Variants in NCBP2L observed in about 807,000 individuals in gnomAD.
The protein encoded by NCBP2L is nuclear cap-binding protein subunit 2-like.
For missense variants in NCBP2L, 95 were observed against 53.1 expected (o/e 1.79, Z -2.45); for synonymous variants, 39 against 19.2 (o/e 2.04, Z -2.70).
chrX:107,784,874 G>A (rs1357270663), intron 1 of NCBP2L, among the ~76,000 whole-genome samples: 3 of 108,518 alleles, frequency 2.8e-5, no homozygotes, highest in Non-Finnish European at 3.8e-5. Flanking sequence ...AGCTACTCAG[G>A]AGGCTGAGGT....
chrX:107,781,616 G>A (rs1356034540), intron 1 of NCBP2L, among the ~76,000 whole-genome samples: 2 of 93,613 alleles, frequency 2.1e-5, no homozygotes, highest in African/African-American at 8.3e-5. Flanking sequence ...CCCAGCCTGG[G>A]ATCCATCTAT....
chrX:107,789,876 A>T (rs939893848), intron 1 of NCBP2L, among the ~76,000 whole-genome samples: 2 of 108,925 alleles, frequency 1.8e-5, no homozygotes, highest in Non-Finnish European at 3.8e-5. Flanking sequence ...TCTCATCCAT[A>T]CCCATGGTTT....
intron 1 of NCBP2L, among the ~76,000 whole-genome samples, chrX:107,790,330 C>T (rs1930434749): frequency 8.9e-6 from 1 of 111,742 alleles, no homozygotes; most frequent in African/African-American, 3.3e-5. Context: ...GTCTTCCTGC[C>T]TCTTGGCCTG....
intron 1 of NCBP2L, among the ~76,000 whole-genome samples, chrX:107,781,749 T>G (rs865942254): frequency 1.1e-5 from 1 of 91,591 alleles, no homozygotes; most frequent in Non-Finnish European, 2.1e-5. Context: ...TAGATATCTA[T>G]ATATAGATCT....
chrX:107,777,842 C>T lies in NCBP2L; in HGVS notation c.-89C>T, dbSNP rs1930206817. On this transcript the variant is annotated 5_prime_UTR_variant, in exon 1 of 2. Coordinates refer to ENST00000509000, the MANE Select transcript of NCBP2L (RefSeq NM_001348372.2). The stretch of plus-strand genomic sequence containing the variant: ...CCAAAAACAAGCCGTACTTCTCGCT[C>T]TTGACAGGATCCCAAGGTCAGAGGT... 1.8e-5 allele frequency: 2 copies of T among 111,649 alleles called. No homozygotes were observed. Among genetic ancestry groups the T allele is most frequent in the Non-Finnish European group, 3.8e-5 (2 of 53,166 alleles). 9.2% of individuals were successfully genotyped at this position (111,649 alleles called of 1,213,427 possible).
chrX:107,785,617 C>T (rs1930387251), intron 1 of NCBP2L, among the ~76,000 whole-genome samples: 1 of 111,594 alleles, frequency 9.0e-6, no homozygotes, highest in African/African-American at 3.3e-5. Context: ...GTCTTTCCAG[C>T]CCTCTCCATC....
chrX:107,781,194 A>G (rs144780522), intron 1 of NCBP2L, among the ~76,000 whole-genome samples: 2 of 107,774 alleles, frequency 1.9e-5, no homozygotes, highest in African/African-American at 3.4e-5. Context: ...CTGGGATTAC[A>G]GGCATGAGCC....
intron 1 of NCBP2L, among the ~76,000 whole-genome samples, chrX:107,786,459 G>C (rs1444793550): frequency 8.9e-6 from 1 of 111,772 alleles, no homozygotes; most frequent in Non-Finnish European, 1.9e-5. Context: ...ACTTTTGCTT[G>C]ACTGCTGGTA....
intron 1 of NCBP2L, among the ~76,000 whole-genome samples, chrX:107,784,989 A>AAAAGAAAGAAGGAAGG (rs1184282832): frequency 9.6e-6 from 1 of 104,236 alleles, no homozygotes; most frequent in South Asian, 4.5e-4. Context: ...AAAAACAAAC[A>AAAAGAAAGAAGGAAGG]AAAGAAAGAA....
Position 107,787,110 on chromosome X carries a change from A to C in NCBP2L, c.-72-7039A>C, listed in dbSNP as rs759952606. Among the ~76,000 whole-genome samples the C allele has an allele frequency of 1.1e-3, 120 of 112,069 alleles. 1 individual carries two copies. The highest frequency in any genetic ancestry group is 4.6e-3 in the Middle Eastern group (1 of 218). ...TCACCTGAAACTCGTTAAAATGAAGATTATTATTCAGCAGATCTAGGGAGG... is the reference window on the plus strand; with the variant it reads ...TCACCTGAAACTCGTTAAAATGAAGCTTATTATTCAGCAGATCTAGGGAGG... On this transcript the variant is annotated intron_variant, in intron 1 of 1. Coordinates refer to ENST00000509000, the MANE Select transcript of NCBP2L (RefSeq NM_001348372.2).
At chrX:107,789,370 A>AGGCATGAT (rs1347405114) in intron 1 of NCBP2L, among the ~76,000 whole-genome samples, 2 of 109,761 alleles carry the variant, frequency 1.8e-5, no homozygotes, top group Admixed American at 9.8e-5. Flanking sequence ...ATCAACCTTC[A>AGGCATGAT]GGCATGATCA....
chrX:107,782,247 ATAAATATATATATAAAT>A (rs1930315358), intron 1 of NCBP2L, among the ~76,000 whole-genome samples: 4 of 21,727 alleles, frequency 1.8e-4, no homozygotes, highest in Admixed American at 7.7e-4. Context: ...ATATATATAT[ATAAATATATATATAAAT>A]ATATATATAT....
At chrX:107,791,663 A>G (rs1159412718) in intron 1 of NCBP2L, among the ~76,000 whole-genome samples, 1 of 111,743 alleles carries the variant, frequency 8.9e-6, no homozygotes, top group African/African-American at 3.3e-5. Flanking sequence ...TGTAGATTTG[A>G]TATGTATTTG....
At chrX:107,793,700 T>C (rs1291231181) in intron 1 of NCBP2L, among the ~76,000 whole-genome samples, 1 of 112,181 alleles carries the variant, frequency 8.9e-6, no homozygotes, top group Non-Finnish European at 1.9e-5. Context: ...TTCCATGTTA[T>C]AGACTTGAAT....
At chrX:107,783,436 G>A (rs1359910235) in intron 1 of NCBP2L, among the ~76,000 whole-genome samples, 1 of 102,846 alleles carries the variant, frequency 9.7e-6, no homozygotes, top group African/African-American at 3.7e-5. Flanking sequence ...GCAGTGGCGC[G>A]ATCTCCGCTC....
At chrX:107,781,692 C>CTCTCTCTCTCTCTCTCTCTCTCTATA (rs1395038482) in intron 1 of NCBP2L, among the ~76,000 whole-genome samples, 1 of 66,919 alleles carries the variant, frequency 1.5e-5, no homozygotes, top group Admixed American at 1.6e-4. Context: ...CTCTCTCTCT[C>CTCTCTCTCTCTCTCTCTCTCTCTATA]TATATATATA....
chrX:107,793,279 C>T (rs1930475611), intron 1 of NCBP2L, among the ~76,000 whole-genome samples: 1 of 111,399 alleles, frequency 9.0e-6, no homozygotes, highest in Admixed American at 9.6e-5. Context: ...ATCAGAATAT[C>T]TTAAGAGTGG....
At position 107,784,172 on chromosome X, in the gene NCBP2L, A is replaced by G. The variant is rs745552102; in HGVS notation, c.-73+6314A>G. 9.8e-5 allele frequency among the ~76,000 whole-genome samples: 11 copies of G among 111,900 alleles called. No individual in the cohort carries two copies. The East Asian group carries it at 2.8e-3, about 29-fold the overall frequency. On this transcript the variant is annotated intron_variant, in intron 1 of 1. Transcript: ENST00000509000. ...GTACCTACCACATAGTCACAACTCA[A>G]TATGTGGTAGATGTCATTATTGTTA...
At chrX:107,781,664 A>ATCTCTCTCTCTCTCTC (rs1306466951) in intron 1 of NCBP2L, among the ~76,000 whole-genome samples, 5 of 65,437 alleles carry the variant, frequency 7.6e-5, no homozygotes, top group South Asian at 6.7e-4. Flanking sequence ...CTATCTATCT[A>ATCTCTCTCTCTCTCTC]TCTATCTATC....
Sources: allele counts gnomAD v4.1 joint callset (sites outside exome capture counted in the v4.1 genomes callset), GRCh38; gene constraint gnomAD v4.1.1; transcripts MANE v1.5; gene names NCBI Gene and HGNC (gene_info 2026-07-23, HGNC 2026-07-21).